ZBTB7C: variants seen among roughly 807,000 people sequenced by gnomAD.
The protein encoded by ZBTB7C is zinc finger and BTB domain-containing protein 7C.
Under a neutral mutation model 25.7 loss-of-function variants are expected in ZBTB7C, and 8 were observed. The observed-to-expected ratio is 0.31, with a 90% confidence interval of 0.18 to 0.56. The LOEUF is 0.56. Ranked by LOEUF, ZBTB7C falls within the 20% of genes least tolerant of loss-of-function variation. The pLI is 0.91. For missense variants in ZBTB7C, 824 were observed against 855.2 expected, an observed-to-expected ratio of 0.96 and a Z score of 0.46; for synonymous variants, 394 against 369.0, an observed-to-expected ratio of 1.07 and a Z score of -0.78.
chr18:48,299,070 C>A (rs554023419), intron 2 of ZBTB7C, among the ~76,000 whole-genome samples: 2 of 152,238 alleles, frequency 1.3e-5, no homozygotes, highest in Admixed American at 1.3e-4. Flanking sequence ...GAGGTCCCAA[C>A]CCTGATGGGG....
intron 1 of ZBTB7C, among the ~76,000 whole-genome samples, chr18:48,403,080 C>T (rs2048198031): frequency 6.6e-6 from 1 of 152,200 alleles, no homozygotes; most frequent in African/African-American, 2.4e-5. Flanking sequence ...CAGCTGTCCA[C>T]AGCTGTTCTG....
At chr18:48,122,488 A>AGG (rs2039663593) in intron 3 of ZBTB7C, among the ~76,000 whole-genome samples, 1 of 152,184 alleles carries the variant, frequency 6.6e-6, no homozygotes, top group Non-Finnish European at 1.5e-5. Context: ...TCCCTGTATA[A>AGG]GAGGCCTCCA....
At chr18:48,168,651 T>C (rs1276611899) in intron 3 of ZBTB7C, among the ~76,000 whole-genome samples, 2 of 152,190 alleles carry the variant, frequency 1.3e-5, no homozygotes, top group African/African-American at 4.8e-5. Context: ...GCAGATCTTG[T>C]AGGTAAGGGA....
At chr18:48,214,743 G>A (rs955123392) in intron 2 of ZBTB7C, among the ~76,000 whole-genome samples, 15 of 152,210 alleles carry the variant, frequency 9.9e-5, no homozygotes, top group African/African-American at 3.4e-4. Flanking sequence ...GGTTTACCCT[G>A]TGACATGTGG....
chr18:48,255,951 A>G (rs2144480846), intron 2 of ZBTB7C, among the ~76,000 whole-genome samples: 1 of 152,328 alleles, frequency 6.6e-6, no homozygotes, highest in South Asian at 2.1e-4. Flanking sequence ...GTTATCCAAA[A>G]AGAAACACAT....
chr18:48,228,810 C>G (rs1412945761), intron 2 of ZBTB7C, among the ~76,000 whole-genome samples: 2 of 151,926 alleles, frequency 1.3e-5, no homozygotes, highest in African/African-American at 4.8e-5. Context: ...AACACACCCC[C>G]ATGCACCCTT....
rs143228320 is a variant in ZBTB7C at position 48,304,400 on chromosome 18, G to C, written c.-79+33774C>G. Among the ~76,000 whole-genome samples the C allele has an allele frequency of 4.2e-3, 645 of 152,306 alleles. 3 individuals are homozygous for C. The highest frequency in any genetic ancestry group is 0.014 in the African/African-American group (597 of 41,568). On this transcript the variant is annotated intron_variant, in intron 2 of 4. Transcript: ENST00000590800. ...GTTAAAAAAAGATAGCCTTGGCCAG[G>C]CGTGGTGGCTCATGCCTGTAATCCT...
intron 3 of ZBTB7C, among the ~76,000 whole-genome samples, chr18:48,123,571 C>T (rs2039700157): frequency 6.6e-6 from 1 of 152,222 alleles, no homozygotes; most frequent in South Asian, 2.1e-4. Flanking sequence ...CTCCCTCCCT[C>T]CCCCTGCCTC....
chr18:48,184,810 T>A (rs2145124473), intron 3 of ZBTB7C, among the ~76,000 whole-genome samples: 1 of 92,924 alleles, frequency 1.1e-5, no homozygotes, highest in Non-Finnish European at 2.2e-5. Context: ...TGCAGCTGTG[T>A]GGAGAATTTT....
At chr18:48,342,995 C>T (rs959121986) in intron 1 of ZBTB7C, among the ~76,000 whole-genome samples, 7 of 152,122 alleles carry the variant, frequency 4.6e-5, no homozygotes, top group African/African-American at 1.7e-4. Flanking sequence ...GCTGGCTGGC[C>T]TGGCAGTGCT....
intron 2 of ZBTB7C, among the ~76,000 whole-genome samples, chr18:48,216,641 CCT>C (rs1479966138): frequency 6.6e-6 from 1 of 152,122 alleles, no homozygotes; most frequent in Admixed American, 6.5e-5. Context: ...GCTTCCTCCC[CCT>C]GACAACTTCT....
At chr18:48,095,385 G>C (rs2038580218) in intron 3 of ZBTB7C, among the ~76,000 whole-genome samples, 1 of 152,220 alleles carries the variant, frequency 6.6e-6, no homozygotes, top group Non-Finnish European at 1.5e-5. Context: ...CCCTGGAGCA[G>C]GGTTGGCCAG....
chr18:48,389,236 C>CTCTCGT (rs2047833632), intron 1 of ZBTB7C, among the ~76,000 whole-genome samples: 6 of 62,380 alleles, frequency 9.6e-5, no homozygotes, highest in African/African-American at 4.2e-4. Context: ...CTCTCTCTCT[C>CTCTCGT]GTGTGTGTGT....
chr18:48,078,953 C>G (rs2037876276), intron 3 of ZBTB7C, among the ~76,000 whole-genome samples: 1 of 152,220 alleles, frequency 6.6e-6, no homozygotes, highest in Non-Finnish European at 1.5e-5. Flanking sequence ...TTCATTCATT[C>G]ATTCATTGAT....
chr18:48,074,822 G>A (rs544100664), intron 3 of ZBTB7C, among the ~76,000 whole-genome samples: 1 of 152,318 alleles, frequency 6.6e-6, no homozygotes, highest in Admixed American at 6.5e-5. Flanking sequence ...GAGGAAAAAT[G>A]GCAGGATCAA....
chr18:48,243,000 A>G (rs1188668144), intron 2 of ZBTB7C, among the ~76,000 whole-genome samples: 1 of 152,132 alleles, frequency 6.6e-6, no homozygotes, highest in Admixed American at 6.6e-5. Flanking sequence ...GTGGTGGCTC[A>G]TGCCCATAAT....
chr18:48,403,974 G>A (rs1259160720), intron 1 of ZBTB7C, among the ~76,000 whole-genome samples: 3 of 152,160 alleles, frequency 2.0e-5, no homozygotes, highest in Non-Finnish European at 2.9e-5. Context: ...AAAGATTGGC[G>A]AGGCATGGTA....
chr18:48,068,609 C>T (rs941247333), intron 3 of ZBTB7C, among the ~76,000 whole-genome samples: 1 of 152,194 alleles, frequency 6.6e-6, no homozygotes, highest in South Asian at 2.1e-4. Flanking sequence ...TCCCCAGGGC[C>T]TCCCCATGTG....
At chr18:48,253,699 G>T (rs1032642482) in intron 2 of ZBTB7C, among the ~76,000 whole-genome samples, 1 of 152,148 alleles carries the variant, frequency 6.6e-6, no homozygotes, top group African/African-American at 2.4e-5. Flanking sequence ...TCAGAGTACC[G>T]ATTAGTGCAA....
Sources: gnomAD v4.1 joint callset for allele counts (sites outside exome capture counted in the v4.1 genomes callset) on GRCh38, gnomAD v4.1.1 for gene constraint, MANE v1.5 for transcripts, NCBI Gene and HGNC (gene_info 2026-07-23, HGNC 2026-07-21) for gene names.